The following RAPGEF5 variants were observed in gnomAD, a reference collection of about 807,000 sequenced individuals.
The protein encoded by RAPGEF5 is M-Ras-regulated GEF.
A neutral mutation model predicts 125.2 loss-of-function variants in RAPGEF5; 65 were observed. The observed-to-expected ratio is 0.52, with a 90% CI of 0.43 to 0.64. The LOEUF is 0.64. Ranked by LOEUF, RAPGEF5 falls within the 30% of genes least tolerant of loss-of-function variation. RAPGEF5 has a pLI of 0.00. For missense variants in RAPGEF5, 958 were observed against 1,048.1 expected, an observed-to-expected ratio of 0.91 and a Z score of 1.19; for synonymous variants, 391 against 385.9, an observed-to-expected ratio of 1.01 and a Z score of -0.16.
chr7:22,173,088 C>T (rs934518489), intron 11 of RAPGEF5, among the ~76,000 whole-genome samples: 1 of 152,214 alleles, frequency 6.6e-6, no homozygotes, highest in African/African-American at 2.4e-5. Flanking sequence ...ATATATTCTA[C>T]TTAACCTTTA....
At chr7:22,235,569 T>G (rs10226748) in intron 7 of RAPGEF5, among the ~76,000 whole-genome samples, 20,057 of 152,142 alleles carry the variant, frequency 0.13, 1,435 homozygotes, top group East Asian at 0.2. Flanking sequence ...TTTTCACAAG[T>G]ATGGAAGAGA....
At chr7:22,317,242 CTTTTT>C (rs67830846) in intron 2 of RAPGEF5, among the ~76,000 whole-genome samples, 1 of 134,132 alleles carries the variant, frequency 7.5e-6, no homozygotes, top group African/African-American at 2.7e-5. Context: ...CTTTTTTTTT[CTTTTT>C]TTTTTTTTTT....
chr7:22,343,950 G>C (rs1470855428), intron 1 of RAPGEF5, among the ~76,000 whole-genome samples: 5 of 152,008 alleles, frequency 3.3e-5, no homozygotes, highest in Admixed American at 2.6e-4. Flanking sequence ...CAATTGCAGA[G>C]AAGGAATGCC....
chr7:22,275,197 T>C (rs1223852054), intron 6 of RAPGEF5, among the ~76,000 whole-genome samples: 1 of 152,230 alleles, frequency 6.6e-6, no homozygotes, highest in Non-Finnish European at 1.5e-5. Flanking sequence ...TGAAGTCCTG[T>C]TTATACTCCA....
chr7:22,241,400 A>T (rs1786327409), intron 7 of RAPGEF5, among the ~76,000 whole-genome samples: 1 of 152,172 alleles, frequency 6.6e-6, no homozygotes, highest in South Asian at 2.1e-4. Context: ...AAATAAATAG[A>T]GGGGGCAGGG....
chr7:22,129,213 T>C (rs776239148), intron 24 of RAPGEF5, among the ~76,000 whole-genome samples: 1 of 152,102 alleles, frequency 6.6e-6, no homozygotes, highest in Non-Finnish European at 1.5e-5. Context: ...GGAAATGACA[T>C]AATGAACTTA....
chr7:22,173,522 G>C (rs1398564007), intron 11 of RAPGEF5, among the ~76,000 whole-genome samples: 1 of 152,128 alleles, frequency 6.6e-6, no homozygotes. Flanking sequence ...AATCTTAAAA[G>C]TCACCCCTTT....
intron 7 of RAPGEF5, among the ~76,000 whole-genome samples, chr7:22,241,701 A>C (rs1176544449): frequency 3.3e-5 from 5 of 152,168 alleles, no homozygotes; most frequent in Admixed American, 3.3e-4. Context: ...TTATTATACA[A>C]AACATGGTGA....
rs10281512 is a variant in RAPGEF5 at position 22,332,906 on chromosome 7, C to T, written c.232-14869G>A. 5.9e-5 allele frequency among the ~76,000 whole-genome samples: 9 copies of T among 152,290 alleles called. No individual in the cohort carries two copies. In the South Asian group the frequency reaches 6.2e-4, roughly 11 times the overall value. ...AATTGGAAGAACCTGTGGCTGTTTT[C>T]GTAAATCACTGGCTTTCAAACTTTT... On this transcript the variant is annotated intron_variant, in intron 1 of 25. Transcript: ENST00000665637.
intron 1 of RAPGEF5, among the ~76,000 whole-genome samples, chr7:22,347,538 T>C (rs1784245638): frequency 6.6e-6 from 1 of 152,102 alleles, no homozygotes; most frequent in South Asian, 2.1e-4. Flanking sequence ...GTAAGATACA[T>C]CTCAATTTTG....
chr7:22,341,335 C>T (rs1784125466), intron 1 of RAPGEF5, among the ~76,000 whole-genome samples: 1 of 152,186 alleles, frequency 6.6e-6, no homozygotes, highest in South Asian at 2.1e-4. Context: ...AATTACCTCC[C>T]ACCGGGTTCC....
chr7:22,272,213 C>T (rs1020020151), intron 6 of RAPGEF5, among the ~76,000 whole-genome samples: 2 of 151,338 alleles, frequency 1.3e-5, no homozygotes, highest in African/African-American at 2.4e-5. Flanking sequence ...GTATGGTGCA[C>T]GCACCCGTAA....
At chr7:22,265,277 C>A (rs867457066) in intron 7 of RAPGEF5, among the ~76,000 whole-genome samples, 5 of 152,176 alleles carry the variant, frequency 3.3e-5, no homozygotes, top group African/African-American at 1.2e-4. Context: ...CCCTTGCCAG[C>A]CTCTAGCAAC....
chr7:22,194,083 A>G, intron 9 of RAPGEF5, 50 bp from the exon 10 acceptor site: 1 of 1,499,350 alleles, frequency 6.7e-7, no homozygotes. Context: ...AAGAGAGAGA[A>G]AATTAAAAGT....
At chr7:22,182,175 T>C (rs1784694275) in intron 11 of RAPGEF5, among the ~76,000 whole-genome samples, 1 of 152,196 alleles carries the variant, frequency 6.6e-6, no homozygotes, top group Non-Finnish European at 1.5e-5. Flanking sequence ...GAAGATGTCA[T>C]AAACATTTTA....
rs762628239 is a variant in RAPGEF5, at chr7:22,167,148, T to A, written c.1205A>T (p.Glu402Val). ...GAGAAGGAAGTCATCCAGGAGGGTC[T>A]CTGCAAAGAAAAAAAAAACAAACAC... Reference protein sequence around the residue: ...HLEEVQDKETETLLDDFLLTY... With the variant: ...HLEEVQDKETVTLLDDFLLTY... The change falls in exon 12 of 26, where the codon GAG (glutamate) becomes GTG (valine). Residue 402 changes from glutamate (E) to valine (V), a missense_variant and splice_region_variant. Coordinates refer to ENST00000665637, the MANE Select transcript of RAPGEF5 (RefSeq NM_012294.5). 4.3e-6 allele frequency: 7 copies of A among 1,609,428 alleles called. No homozygotes were observed. In the Admixed American group the frequency reaches 1.2e-4, roughly 27 times the overall value.
intron 7 of RAPGEF5, among the ~76,000 whole-genome samples, chr7:22,232,973 A>T (rs1786096314): frequency 6.6e-6 from 1 of 152,202 alleles, no homozygotes; most frequent in South Asian, 2.1e-4. Flanking sequence ...AGAGGGTAGA[A>T]GCTTTTCTTC....
chr7:22,124,232 T>C (rs1782669353), intron 25 of RAPGEF5, among the ~76,000 whole-genome samples: 1 of 152,188 alleles, frequency 6.6e-6, no homozygotes, highest in Non-Finnish European at 1.5e-5. Context: ...ACTGATATCT[T>C]AGAATTAGCT....
intron 1 of RAPGEF5, among the ~76,000 whole-genome samples, chr7:22,322,717 T>A (rs1317016454): frequency 2.0e-5 from 3 of 152,094 alleles, no homozygotes; most frequent in Non-Finnish European, 4.4e-5. Flanking sequence ...CAACCCTCGA[T>A]GTAAATAGAA....
Sources: gnomAD v4.1 joint callset for allele counts (sites outside exome capture counted in the v4.1 genomes callset) on GRCh38, gnomAD v4.1.1 for gene constraint, MANE v1.5 for transcripts, NCBI Gene and HGNC (gene_info 2026-07-23, HGNC 2026-07-21) for gene names.